Variants in MARCHF5 observed in about 807,000 individuals in gnomAD.
MARCHF5 encodes the protein E3 ubiquitin-protein ligase MARCHF5.
MARCHF5 carries 5 observed loss-of-function variants against 36.5 expected under a neutral mutation model. The observed-to-expected ratio is 0.14, with a 90% CI of 0.07 to 0.29. The LOEUF is 0.29. Among genes scored for constraint, MARCHF5 ranks in the 10% least tolerant of loss-of-function variants. MARCHF5 has a pLI of 1.00. For synonymous variants in MARCHF5, 103 were observed against 109.9 expected (o/e 0.94, Z 0.39); for missense variants, 179 against 336.3 (o/e 0.53, Z 3.66).
At chr10:92,345,955 GC>G (rs1843639064) in intron 3 of MARCHF5, among the ~76,000 whole-genome samples, 1 of 152,036 alleles carries the variant, frequency 6.6e-6, no homozygotes, top group Non-Finnish European at 1.5e-5. Context: ...CTCCCAAAGT[GC>G]TTGGATTACA....
chr10:92,294,150 T>A (rs1037975068), intron 1 of MARCHF5, among the ~76,000 whole-genome samples: 10 of 152,204 alleles, frequency 6.6e-5, no homozygotes, highest in African/African-American at 2.4e-4. Context: ...CCCTAAGTCC[T>A]AAGTCAGTGA....
chr10:92,303,847 T>C (rs1236185926), intron 1 of MARCHF5, among the ~76,000 whole-genome samples: 1 of 152,180 alleles, frequency 6.6e-6, no homozygotes, highest in African/African-American at 2.4e-5. Context: ...GTCCTTAGAT[T>C]TGTCTAGTTT....
chr10:92,318,263 C>T (rs896143317), intron 2 of MARCHF5, among the ~76,000 whole-genome samples: 3 of 151,468 alleles, frequency 2.0e-5, no homozygotes, highest in Non-Finnish European at 2.9e-5. Context: ...TCCATCTCTA[C>T]TAAAAATACA....
At chr10:92,349,320 A>G in intron 3 of MARCHF5, 29 bp from the exon 4 acceptor site, 1 of 1,489,332 alleles carries the variant, frequency 6.7e-7, no homozygotes, top group East Asian at 2.3e-5. Flanking sequence ...AAAAAGAAGT[A>G]ATTCTAATAT....
intron 2 of MARCHF5, among the ~76,000 whole-genome samples, chr10:92,317,921 T>G (rs1425098194): frequency 6.6e-6 from 1 of 152,046 alleles, no homozygotes; most frequent in Non-Finnish European, 1.5e-5. Context: ...CAGCTAAGTT[T>G]TGTAGTTTTA....
chr10:92,327,024 A>G (rs1370349962), intron 2 of MARCHF5, among the ~76,000 whole-genome samples: 1 of 151,876 alleles, frequency 6.6e-6, no homozygotes, highest in Admixed American at 6.6e-5. Flanking sequence ...TCTCTCCTTC[A>G]TTCTTCTCCT....
intron 1 of MARCHF5, among the ~76,000 whole-genome samples, chr10:92,303,494 A>G (rs1050478950): frequency 2.0e-5 from 3 of 152,078 alleles, no homozygotes; most frequent in East Asian, 1.9e-4. Context: ...GTTTCTAACA[A>G]CTTTTCTTGG....
At chr10:92,345,749 A>C (rs1362337568) in intron 3 of MARCHF5, among the ~76,000 whole-genome samples, 3 of 135,496 alleles carry the variant, frequency 2.2e-5, no homozygotes, top group African/African-American at 8.4e-5. Flanking sequence ...GCTGGAATGC[A>C]GTGGCGCAGT....
intron 1 of MARCHF5, among the ~76,000 whole-genome samples, chr10:92,292,149 G>T (rs1241517937): frequency 1.3e-5 from 2 of 151,782 alleles, no homozygotes; most frequent in South Asian, 2.1e-4. Flanking sequence ...TGAACATTTA[G>T]TGTACTTGAC....
At chr10:92,351,037 ACTCTGTTT>A in intron 5 of MARCHF5, 46 bp from the exon 6 acceptor site, 3 of 935,904 alleles carry the variant, frequency 3.2e-6, no homozygotes, top group Non-Finnish European at 5.1e-6. Context: ...TATTTTTATT[ACTCTGTTT>A]CTCTAAATCT....
intron 3 of MARCHF5, among the ~76,000 whole-genome samples, chr10:92,347,881 C>T (rs1041620400): frequency 6.6e-6 from 1 of 152,070 alleles, no homozygotes; most frequent in African/African-American, 2.4e-5. Flanking sequence ...TCTCCACACA[C>T]TTTCATAAAA....
At chr10:92,339,309 G>A (rs1843545939) in intron 2 of MARCHF5, among the ~76,000 whole-genome samples, 3 of 152,192 alleles carry the variant, frequency 2.0e-5, no homozygotes, top group Admixed American at 1.3e-4. Flanking sequence ...GGCGGAGGGT[G>A]CAGTGAACCA....
chr10:92,328,826 T>A (rs1453271696), intron 2 of MARCHF5, among the ~76,000 whole-genome samples: 6 of 147,088 alleles, frequency 4.1e-5, no homozygotes, highest in African/African-American at 1.5e-4. Flanking sequence ...TATATATTTT[T>A]TTTTTTTTTA....
chr10:92,292,597 A>G (rs980119829), intron 1 of MARCHF5, among the ~76,000 whole-genome samples: 1 of 152,134 alleles, frequency 6.6e-6, no homozygotes, highest in Admixed American at 6.6e-5. Context: ...AGTGACAGAC[A>G]TTTTTTTGGA....
At chr10:92,307,909 T>C (rs1246203195) in intron 1 of MARCHF5, among the ~76,000 whole-genome samples, 1 of 151,294 alleles carries the variant, frequency 6.6e-6, no homozygotes, top group Non-Finnish European at 1.5e-5. Context: ...CTTGATGATA[T>C]GCTAAACAAG....
intron 3 of MARCHF5, among the ~76,000 whole-genome samples, chr10:92,348,925 A>G (rs915315688): frequency 1.3e-5 from 2 of 152,218 alleles, no homozygotes; most frequent in African/African-American, 2.4e-5. Flanking sequence ...GGCCGGTCCT[A>G]CCTCTTGGCT....
intron 2 of MARCHF5, among the ~76,000 whole-genome samples, chr10:92,312,670 T>C (rs1267227944): frequency 6.6e-6 from 1 of 152,254 alleles, no homozygotes. Flanking sequence ...TAGCCCCACC[T>C]TTGAATTATA....
At chr10:92,350,013 T>TGCA in intron 5 of MARCHF5, 176 bp downstream of exon 5, 1 of 588,626 alleles carries the variant, frequency 1.7e-6, no homozygotes, top group Non-Finnish European at 3.0e-6. Context: ...GAGAAACCAC[T>TGCA]GCAGCAGTTC....
chr10:92,335,094 C>T (rs1188643309), intron 2 of MARCHF5, among the ~76,000 whole-genome samples: 3 of 152,098 alleles, frequency 2.0e-5, no homozygotes, highest in Non-Finnish European at 4.4e-5. Context: ...AATATTGAAA[C>T]TTTCTCAAGC....
Sources: gnomAD v4.1 joint callset for allele counts (sites outside exome capture counted in the v4.1 genomes callset) on GRCh38, gnomAD v4.1.1 for gene constraint, MANE v1.5 for transcripts, NCBI Gene and HGNC (gene_info 2026-07-23, HGNC 2026-07-21) for gene names.